VWA5B1: variants seen among roughly 807,000 people sequenced by gnomAD.
The protein encoded by VWA5B1 is von Willebrand factor A domain-containing protein 5B1.
VWA5B1 carries 115 observed loss-of-function variants against 118.2 expected under a neutral mutation model. The ratio of observed to expected loss-of-function variants is 0.97; its 90% CI spans 0.84 to 1.14. The LOEUF (loss-of-function observed/expected upper bound fraction) is 1.14, where lower values mean the gene tolerates loss of function less well. Among genes scored for constraint, VWA5B1 ranks in the 50% most tolerant of loss-of-function variants. The pLI, the probability that VWA5B1 is intolerant of heterozygous loss-of-function variation, is 0.00. For synonymous variants in VWA5B1, 682 were observed against 658.4 expected (o/e 1.04, Z -0.55); for missense variants, 1,596 against 1,603.8 (o/e 1.00, Z 0.08).
In VWA5B1 at chr1:20,326,935, G is replaced by A. The variant is rs77697163; in HGVS notation, c.1144-955G>A. On this transcript the variant is annotated intron_variant, in intron 8 of 21. Coordinates refer to ENST00000289815, the MANE Select transcript of VWA5B1 (RefSeq NM_001039500.3). ...ACTATGCACCTAGCTGAGGCTCAGA[G>A]GGGTGACATAACTTAGAACATTTAG... is the stretch of plus-strand genomic sequence containing the variant. Among the ~76,000 whole-genome samples, 81 of 152,244 alleles carry A rather than the reference G, an allele frequency of 5.3e-4. 1 individual carries two copies. The East Asian group carries it at 0.015, about 29-fold the overall frequency.
chr1:20,316,512 A>G (rs1168446516), intron 4 of VWA5B1, among the ~76,000 whole-genome samples: 4 of 152,208 alleles, frequency 2.6e-5, no homozygotes, highest in African/African-American at 9.7e-5. Flanking sequence ...TTAAAGCACA[A>G]TCACACCCAA....
chr1:20,348,412 C>G, intron 18 of VWA5B1, 54 bp downstream of exon 18: 1 of 1,527,726 alleles, frequency 6.5e-7, no homozygotes, highest in Non-Finnish European at 8.9e-7. Context: ...GAAGCCTGGG[C>G]CCCTGAGGTT....
chr1:20,304,122 C>G (rs1157803998), intron 1 of VWA5B1, among the ~76,000 whole-genome samples: 3 of 152,176 alleles, frequency 2.0e-5, no homozygotes, highest in Non-Finnish European at 4.4e-5. Context: ...GGAGGTGCAG[C>G]CATTGCTCTT....
rs1039083532 is a variant in VWA5B1 at position 20,317,017 on chromosome 1, G to A, written c.564-513G>A. ...GTAAAAACAAAAAAATGAGCCGTGC[G>A]TAGTGGCGGGCACCTGTAGTCCCAG... On this transcript the variant is annotated intron_variant, in intron 4 of 21. Transcript: ENST00000289815. Among the ~76,000 whole-genome samples the A allele has an allele frequency of 7.2e-5, 11 of 151,872 alleles. No individual in the cohort carries two copies. In the East Asian group the frequency reaches 1.2e-3, roughly 16 times the overall value.
chr1:20,307,514 C>T (rs2088694015), intron 1 of VWA5B1, among the ~76,000 whole-genome samples: 2 of 152,226 alleles, frequency 1.3e-5, no homozygotes, highest in Admixed American at 1.3e-4. Context: ...AAGAATAATA[C>T]CTTAGAAGGT....
rs543623704 is a variant in VWA5B1 at position 20,356,578 on chromosome 1, G to A, written c.*2315G>A. 2.0e-5 allele frequency among the ~76,000 whole-genome samples: 3 copies of A among 152,316 alleles called. No individual in the cohort carries two copies. The highest frequency in any genetic ancestry group is 4.1e-4 in the South Asian group (2 of 4,830). On this transcript the variant is annotated 3_prime_UTR_variant, in exon 22 of 22. Coordinates refer to ENST00000289815, the MANE Select transcript of VWA5B1 (RefSeq NM_001039500.3). ...CGGTCTCTGCCAGCATAGAACTAGT[G>A]CTACAAGATGCCTAGCAGGAGCAAC...
chr1:20,314,613 CCAAT>C, intron 4 of VWA5B1, 21 bp downstream of exon 4: 2 of 1,546,898 alleles, frequency 1.3e-6, no homozygotes, highest in Non-Finnish European at 1.7e-6. Context: ...CCTGCCCAGA[CCAAT>C]CAGAGTCCCA....
At chr1:20,342,065 G>A (rs2089888003) in intron 14 of VWA5B1, among the ~76,000 whole-genome samples, 3 of 150,180 alleles carry the variant, frequency 2.0e-5, no homozygotes, top group Non-Finnish European at 3.0e-5. Context: ...TGACATATGG[G>A]AAGACATAAG....
At chr1:20,348,589 C>T (rs2090058581) in intron 18 of VWA5B1, among the ~76,000 whole-genome samples, 1 of 152,132 alleles carries the variant, frequency 6.6e-6, no homozygotes, top group Non-Finnish European at 1.5e-5. Flanking sequence ...CTCTCTTTGC[C>T]AGGGAGCGGC....
intron 1 of VWA5B1, among the ~76,000 whole-genome samples, chr1:20,291,521 C>G (rs1295178802): frequency 6.6e-6 from 1 of 151,906 alleles, no homozygotes; most frequent in Non-Finnish European, 1.5e-5. Flanking sequence ...CTCTGTCTCT[C>G]TCTTCTCTCT....
At chr1:20,323,272 C>T (rs1013052839) in intron 7 of VWA5B1, 84 bp from the exon 8 acceptor site, 6 of 1,271,274 alleles carry the variant, frequency 4.7e-6, no homozygotes, top group African/African-American at 3.1e-5. Context: ...TGTGGGTGCA[C>T]GGTGAGTGAC....
rs569221420 is a variant in VWA5B1 at position 20,339,729 on chromosome 1, C to A, written c.2133+1893C>A. ...CCGCTCTCTAAGGGTAGGGACACTG[C>A]AATCTTATCCCTAGGGGCCCTTCTC... On this transcript the variant is annotated intron_variant, in intron 14 of 21. Transcript: ENST00000289815. 2.0e-5 allele frequency among the ~76,000 whole-genome samples: 3 copies of A among 151,992 alleles called. No individual in the cohort carries two copies. The East Asian group carries it at 5.8e-4, about 30-fold the overall frequency.
chr1:20,317,722 G>T, intron 5 of VWA5B1, 47 bp downstream of exon 5: 1 of 1,511,038 alleles, frequency 6.6e-7, no homozygotes, highest in Non-Finnish European at 8.9e-7. Context: ...CAGGCGAAAA[G>T]CCAAAGGCTG....
chr1:20,357,018 A>G lies in VWA5B1; in HGVS notation c.*2755A>G, dbSNP rs141456815. Among the ~76,000 whole-genome samples, 1 of 152,266 alleles carries G rather than the reference A, an allele frequency of 6.6e-6. No homozygotes were observed. Among genetic ancestry groups the G allele is most frequent in the East Asian group, 1.9e-4 (1 of 5,188 alleles). The stretch of plus-strand genomic sequence containing the variant: ...GGGAACACATTGCCCCTGCAATCTC[A>G]TTTACTTTGGGTTAATCTGGTTTAA... On this transcript the variant is annotated 3_prime_UTR_variant, in exon 22 of 22. Coordinates refer to ENST00000289815, the MANE Select transcript of VWA5B1 (RefSeq NM_001039500.3).
At chr1:20,324,364 ACCTGCCC>A (rs1414432070) in intron 8 of VWA5B1, among the ~76,000 whole-genome samples, 1 of 151,866 alleles carries the variant, frequency 6.6e-6, no homozygotes, top group African/African-American at 2.4e-5. Context: ...GATGCATTTC[ACCTGCCC>A]CCTGCCCCAC....
rs540318931 is a variant in VWA5B1, at chr1:20,310,814, G to A, written c.139+74G>A. The A allele has an allele frequency of 9.4e-5, 135 of 1,441,840 alleles. 3 individuals are homozygous for A. In the South Asian group the frequency reaches 1.9e-3, roughly 20 times the overall value. 89.3% of individuals were successfully genotyped at this position (1,441,840 alleles called of 1,614,324 possible). On this transcript the variant is annotated intron_variant, in intron 2 of 21. Transcript: ENST00000289815. Reference sequence around the variant, plus strand: ...TGAATCCCTGTTTTGACATTTACTCGCTGACTGACCTTAGGCAAGTCATGC... The same window carrying A: ...TGAATCCCTGTTTTGACATTTACTCACTGACTGACCTTAGGCAAGTCATGC...
intron 8 of VWA5B1, among the ~76,000 whole-genome samples, 156 bp downstream of exon 8, chr1:20,323,688 A>G (rs1443496061): frequency 6.6e-6 from 1 of 152,234 alleles, no homozygotes; most frequent in Non-Finnish European, 1.5e-5. Flanking sequence ...CATCCCCATA[A>G]AAACATGAAG....
chr1:20,318,606 T>C lies in VWA5B1; in HGVS notation c.726T>C (p.Thr242=), dbSNP rs757688843. The C allele has an allele frequency of 6.4e-7, 1 of 1,551,180 alleles. No homozygotes were observed. Among genetic ancestry groups the C allele is most frequent in the South Asian group, 1.2e-5 (1 of 84,002 alleles). The change falls in exon 6 of 22, where the codon ACT becomes ACC. Residue 242 remains threonine, a synonymous_variant. Coordinates refer to ENST00000289815, the MANE Select transcript of VWA5B1 (RefSeq NM_001039500.3). ...PCLLAGVESP[T]HEIRADAAPS... ...GCCACTCAGGGGTGGAGAGTCCCAC[T>C]CATGAGATTCGTGCCGACGCCGCCC...
intron 1 of VWA5B1, among the ~76,000 whole-genome samples, chr1:20,297,941 T>C (rs1171678412): frequency 2.7e-5 from 4 of 148,956 alleles, no homozygotes; most frequent in African/African-American, 9.9e-5. Context: ...AATTATAAAT[T>C]GCTTTCTATG....
Sources: allele counts gnomAD v4.1 joint callset (sites outside exome capture counted in the v4.1 genomes callset), GRCh38; gene constraint gnomAD v4.1.1; transcripts MANE v1.5; gene names NCBI Gene and HGNC (gene_info 2026-07-23, HGNC 2026-07-21).